Variants in OR2L13 observed in about 807,000 individuals in gnomAD.
The protein encoded by OR2L13 is olfactory receptor 2L13.
Under a neutral mutation model 15.3 loss-of-function variants are expected in OR2L13, and 14 were observed. The observed-to-expected ratio is 0.91, with a 90% CI of 0.60 to 1.43. The LOEUF (loss-of-function observed/expected upper bound fraction) is 1.43, where lower values mean the gene tolerates loss of function less well. Among genes scored for constraint, OR2L13 ranks in the 40% most tolerant of loss-of-function variants. OR2L13 has a pLI of 0.00. For missense variants in OR2L13, 367 were observed against 387.9 expected (o/e 0.95, Z 0.45); for synonymous variants, 152 against 142.9 (o/e 1.06, Z -0.45).
chr1:248,084,387 A>T, the OR2L13 span: 1 of 1,613,394 alleles, frequency 6.2e-7, no homozygotes. Context: ...GGAAACCAGC[A>T]TCACGTCCAT....
the OR2L13 span, among the ~76,000 whole-genome samples, chr1:248,068,610 C>T: frequency 2.1e-4 from 32 of 152,318 alleles, no homozygotes; most frequent in Middle Eastern, 6.8e-3. Context: ...TCACCAGCAA[C>T]GGAACAAAGC....
chr1:247,989,051 C>T, the OR2L13 span, among the ~76,000 whole-genome samples: 1 of 151,990 alleles, frequency 6.6e-6, no homozygotes, highest in Admixed American at 6.6e-5. Context: ...GTAAAATGAA[C>T]TTGGCATATA....
the OR2L13 span, among the ~76,000 whole-genome samples, chr1:248,027,171 C>T: frequency 3.7e-3 from 566 of 152,272 alleles, 3 homozygotes; most frequent in African/African-American, 0.013. Flanking sequence ...CTGTCTTTTA[C>T]AGTCATAGAT....
At chr1:248,037,160 G>A in the OR2L13 span, among the ~76,000 whole-genome samples, 1 of 152,076 alleles carries the variant, frequency 6.6e-6, no homozygotes, top group African/African-American at 2.4e-5. Flanking sequence ...CATGAAAAAG[G>A]TACTTAAAAT....
At chr1:247,970,754 C>A in the OR2L13 span, among the ~76,000 whole-genome samples, 1 of 152,164 alleles carries the variant, frequency 6.6e-6, no homozygotes, top group Non-Finnish European at 1.5e-5. Context: ...GAGTTACTCA[C>A]GTAACTTTAT....
the OR2L13 span, among the ~76,000 whole-genome samples, chr1:248,006,243 ATGT>A: frequency 7.2e-6 from 1 of 139,628 alleles, no homozygotes; most frequent in Admixed American, 7.4e-5. Flanking sequence ...ATTGCAAGAT[ATGT>A]GTGTGTGTGT....
chr1:248,027,248 C>T, the OR2L13 span, among the ~76,000 whole-genome samples: 1 of 152,280 alleles, frequency 6.6e-6, no homozygotes, highest in African/African-American at 2.4e-5. Flanking sequence ...AAATTCCTGC[C>T]TAATAAATTT....
At chr1:248,038,407 T>C in the OR2L13 span, 1 of 1,613,664 alleles carries the variant, frequency 6.2e-7, no homozygotes, top group African/African-American at 1.3e-5. Flanking sequence ...ATGATTCTTC[T>C]CATCTTTTTG....
chr1:248,060,667 GCACAC>G, the OR2L13 span: 1 of 1,595,212 alleles, frequency 6.3e-7, no homozygotes, highest in Non-Finnish European at 8.6e-7. Context: ...TCAGGAAAGA[GCACAC>G]GAATGCCCCA....
At chr1:247,945,055 G>A in the OR2L13 span, among the ~76,000 whole-genome samples, 1 of 151,254 alleles carries the variant, frequency 6.6e-6, no homozygotes, top group Non-Finnish European at 1.5e-5. Flanking sequence ...CTAGCTCTGG[G>A]GTTTGTTTGC....
the OR2L13 span, chr1:248,083,901 C>T: frequency 3.7e-6 from 6 of 1,611,124 alleles, no homozygotes; most frequent in Admixed American, 1.7e-5. Flanking sequence ...GGCCTTCTTG[C>T]GGGCTTCTGT....
chr1:248,024,096 G>C, the OR2L13 span: 1 of 152,028 alleles, frequency 6.6e-6, no homozygotes, highest in African/African-American at 2.4e-5. Context: ...AGCAGAACGT[G>C]CAGGTTTGTT....
chr1:248,080,736 C>T, the OR2L13 span, among the ~76,000 whole-genome samples: 4 of 152,170 alleles, frequency 2.6e-5, no homozygotes, highest in South Asian at 2.1e-4. Context: ...AATAAACATA[C>T]GTGTGCATGT....
chr1:248,101,159 CTTTATCAAAGTTGTACTTAAAGAAA>C (rs1664849333), downstream of OR2L13: 1 of 152,006 alleles, frequency 6.6e-6, no homozygotes, highest in Non-Finnish European at 1.5e-5. Context: ...ATATAAATAA[CTTTATCAAAGTTGTACTTAAAGAAA>C]TTATTTATAT....
the OR2L13 span, among the ~76,000 whole-genome samples, chr1:248,081,766 C>T: frequency 6.6e-6 from 1 of 152,180 alleles, no homozygotes; most frequent in Non-Finnish European, 1.5e-5. Flanking sequence ...CAAGTGTTTA[C>T]TGAATAACCT....
chr1:248,016,713 T>C, the OR2L13 span, among the ~76,000 whole-genome samples: 1 of 151,918 alleles, frequency 6.6e-6, no homozygotes, highest in African/African-American at 2.4e-5. Context: ...TATATAAATG[T>C]ATATTTATAT....
chr1:248,069,352 G>A, the OR2L13 span, among the ~76,000 whole-genome samples: 3 of 152,098 alleles, frequency 2.0e-5, no homozygotes, highest in East Asian at 5.8e-4. Flanking sequence ...TTTCCACCCA[G>A]AATTTCATAT....
At chr1:247,975,415 G>A in the OR2L13 span, 1 of 688,108 alleles carries the variant, frequency 1.5e-6, no homozygotes, top group Admixed American at 1.8e-5. Flanking sequence ...ATCTGCAGAA[G>A]GGAGGAAGAA....
chr1:248,093,638 CTCA>C (rs1558220776), upstream of OR2L13, among the ~76,000 whole-genome samples: 1 of 152,184 alleles, frequency 6.6e-6, no homozygotes, highest in African/African-American at 2.4e-5. Context: ...TGAGTCTCAT[CTCA>C]TCATCTCCTA....
Sources: allele counts gnomAD v4.1 joint callset (sites outside exome capture counted in the v4.1 genomes callset), GRCh38; gene constraint gnomAD v4.1.1; transcripts MANE v1.5; gene names NCBI Gene and HGNC (gene_info 2026-07-23, HGNC 2026-07-21).